The following MRPS31 variants were observed in gnomAD, a reference collection of about 807,000 sequenced individuals.
MRPS31 encodes mitochondrial ribosomal protein S31.
In MRPS31, 32 loss-of-function variants were observed where a neutral mutation model predicts 43.1. That is an observed-to-expected ratio of 0.74 (90% CI 0.56 to 1.00). The LOEUF (loss-of-function observed/expected upper bound fraction) is 1.00. MRPS31 is among the 50% of genes least tolerant of loss of function. The probability of loss-of-function intolerance (pLI) is 0.00; values close to 1 mark genes in which losing one functional copy is unlikely to be tolerated. For missense variants in MRPS31, 437 were observed against 466.7 expected (o/e 0.94, Z 0.59); for synonymous variants, 165 against 161.6 (o/e 1.02, Z -0.16).
chr13:40,737,349 C>T (rs1176703013), intron 6 of MRPS31, among the ~76,000 whole-genome samples: 4 of 152,028 alleles, frequency 2.6e-5, no homozygotes, highest in African/African-American at 2.4e-5. Context: ...CTTTAACACC[C>T]CACTGTCAAC....
chr13:40,762,228 T>C (rs1880719246), intron 2 of MRPS31, among the ~76,000 whole-genome samples: 1 of 152,140 alleles, frequency 6.6e-6, no homozygotes, highest in Non-Finnish European at 1.5e-5. Flanking sequence ...CAAGACTCTG[T>C]ATCAAAAAAT....
chr13:40,742,217 T>G (rs1880119487), intron 6 of MRPS31, among the ~76,000 whole-genome samples: 1 of 152,088 alleles, frequency 6.6e-6, no homozygotes, highest in Admixed American at 6.6e-5. Context: ...CAGTGAAACA[T>G]TAAACATAAG....
At chr13:40,757,358 C>T (rs1280104966) in intron 3 of MRPS31, among the ~76,000 whole-genome samples, 1 of 151,890 alleles carries the variant, frequency 6.6e-6, no homozygotes, top group Non-Finnish European at 1.5e-5. Flanking sequence ...CAAGAGTTAG[C>T]CATATTTATT....
rs546052739 is a variant in MRPS31 at position 40,758,036 on chromosome 13, G to A, written c.599+912C>T. Among the ~76,000 whole-genome samples the A allele has an allele frequency of 9.2e-5, 14 of 151,750 alleles. No individual in the cohort carries two copies. The South Asian group carries it at 2.3e-3, about 25-fold the overall frequency. ...CGGGCACCTGTAGTCCCAGCTACTC[G>A]GGAGGCTGAGGCAGGAGAATGGCGT... On this transcript the variant is annotated intron_variant, in intron 3 of 6. Transcript: ENST00000323563.
intron 6 of MRPS31, among the ~76,000 whole-genome samples, chr13:40,740,782 G>C (rs1240212575): frequency 8.2e-6 from 1 of 122,652 alleles, no homozygotes; most frequent in Non-Finnish European, 1.6e-5. Flanking sequence ...TCTGGGGACT[G>C]TGGTGGGGTG....
chr13:40,770,673 G>A (rs977158540), intron 1 of MRPS31: 1 of 356,366 alleles, frequency 2.8e-6, no homozygotes, highest in African/African-American at 2.2e-5. Flanking sequence ...ATGAACTAAA[G>A]AATAAATGAA....
chr13:40,764,797 A>G (rs191744723), intron 2 of MRPS31, among the ~76,000 whole-genome samples: 5 of 152,260 alleles, frequency 3.3e-5, no homozygotes, highest in African/African-American at 9.6e-5. Context: ...AAGTCTTCCA[A>G]CTGAGGCCCC....
chr13:40,765,176 T>C (rs1209759984), intron 2 of MRPS31, among the ~76,000 whole-genome samples: 5 of 152,226 alleles, frequency 3.3e-5, no homozygotes, highest in Middle Eastern at 3.2e-3. Context: ...TCTTTGAACA[T>C]AGGACCACTA....
chr13:40,740,948 A>T (rs1359500337), intron 6 of MRPS31, among the ~76,000 whole-genome samples: 10 of 61,666 alleles, frequency 1.6e-4, no homozygotes, highest in South Asian at 7.5e-4. Flanking sequence ...AAAAAAAATT[A>T]AAAAAAAAAA....
At chr13:40,762,086 A>G (rs902911216) in intron 2 of MRPS31, among the ~76,000 whole-genome samples, 2 of 150,826 alleles carry the variant, frequency 1.3e-5, no homozygotes, top group African/African-American at 4.9e-5. Flanking sequence ...TACAAAAAGA[A>G]AAAAAAAAAA....
At chr13:40,765,732 CTGTT>C (rs1232605596) in intron 2 of MRPS31, among the ~76,000 whole-genome samples, 7 of 152,124 alleles carry the variant, frequency 4.6e-5, no homozygotes, top group Non-Finnish European at 8.8e-5. Context: ...CTATTAAAAT[CTGTT>C]TGTTCTGGTA....
At chr13:40,732,921 C>T (rs142044398) in intron 6 of MRPS31, among the ~76,000 whole-genome samples, 1 of 150,704 alleles carries the variant, frequency 6.6e-6, no homozygotes, top group Non-Finnish European at 1.5e-5. Context: ...CAGTGGCTCA[C>T]GCCTGTAATC....
At chr13:40,746,120 G>A (rs1880234627) in intron 6 of MRPS31, among the ~76,000 whole-genome samples, 1 of 152,132 alleles carries the variant, frequency 6.6e-6, no homozygotes, top group African/African-American at 2.4e-5. Flanking sequence ...AACACGATAT[G>A]TCACTTTGTC....
chr13:40,753,979 A>G (rs749222982), intron 5 of MRPS31, 40 bp downstream of exon 5: 1 of 1,235,424 alleles, frequency 8.1e-7, no homozygotes, highest in South Asian at 1.3e-5. Context: ...GAACGATGGA[A>G]TGTTTCTCCA....
intron 6 of MRPS31, among the ~76,000 whole-genome samples, chr13:40,740,396 G>C (rs1325440621): frequency 8.3e-6 from 1 of 120,686 alleles, no homozygotes; most frequent in Admixed American, 8.5e-5. Flanking sequence ...CAGGGATCTA[G>C]AACTAGAAAT....
chr13:40,759,507 G>C (rs545861125), intron 2 of MRPS31, among the ~76,000 whole-genome samples: 48 of 152,238 alleles, frequency 3.2e-4, no homozygotes, highest in South Asian at 1.7e-3. Flanking sequence ...TACACCATTA[G>C]TTTAGTGAAA....
chr13:40,756,590 AG>A (rs759246042), intron 4 of MRPS31, among the ~76,000 whole-genome samples: 20 of 152,322 alleles, frequency 1.3e-4, no homozygotes, highest in African/African-American at 1.7e-4. Context: ...GAATTCAGTC[AG>A]CTCCGCTTAC....
At chr13:40,734,927 G>A (rs1372754049) in intron 6 of MRPS31, among the ~76,000 whole-genome samples, 5 of 152,248 alleles carry the variant, frequency 3.3e-5, no homozygotes, top group East Asian at 3.9e-4. Flanking sequence ...GGCGGGGGAG[G>A]AGCCAAGATG....
At chr13:40,751,533 G>T (rs778131802) in intron 5 of MRPS31, among the ~76,000 whole-genome samples, 1 of 152,178 alleles carries the variant, frequency 6.6e-6, no homozygotes, top group Non-Finnish European at 1.5e-5. Context: ...AGGATAACCA[G>T]TAGGGCCTAT....
Sources: gnomAD v4.1 joint callset for allele counts (sites outside exome capture counted in the v4.1 genomes callset) on GRCh38, gnomAD v4.1.1 for gene constraint, MANE v1.5 for transcripts, NCBI Gene and HGNC (gene_info 2026-07-23, HGNC 2026-07-21) for gene names.